The following MMS22L variants were observed in gnomAD, a reference collection of about 807,000 sequenced individuals.
MMS22L encodes MMS22 like, DNA repair protein.
A neutral mutation model predicts 159.1 loss-of-function variants in MMS22L; 74 were observed. The observed-to-expected ratio is 0.47, with a 90% CI of 0.39 to 0.56. The LOEUF is 0.56. Among genes scored for constraint, MMS22L ranks in the 20% least tolerant of loss-of-function variants. The pLI is 0.00. For synonymous variants in MMS22L, 517 were observed against 506.9 expected (o/e 1.02, Z -0.27); for missense variants, 1,351 against 1,422.1 (o/e 0.95, Z 0.80).
intron 10 of MMS22L, among the ~76,000 whole-genome samples, chr6:97,249,992 T>A (rs998926193): frequency 2.6e-5 from 4 of 152,168 alleles, no homozygotes; most frequent in Non-Finnish European, 5.9e-5. Context: ...AAATCAGTTT[T>A]GTGGCTATAA....
Position 97,174,715 on chromosome 6 carries a change from G to A in MMS22L, c.2680-1493C>T, listed in dbSNP as rs141526748. ...ATTCCACTGCTCCGGGTTTAGTCAC[G>A]GAAGTGGGTGGATGAAGTAGGGGAG... On this transcript the variant is annotated intron_variant, in intron 18 of 24. Coordinates refer to ENST00000683635, the MANE Select transcript of MMS22L (RefSeq NM_001350599.2). Among the ~76,000 whole-genome samples the A allele has an allele frequency of 1.9e-4, 29 of 152,286 alleles. No individual in the cohort carries two copies. In the East Asian group the frequency reaches 4.1e-3, roughly 21 times the overall value.
At position 97,194,003 on chromosome 6, in the gene MMS22L, T is replaced by C. The variant is rs189239081; in HGVS notation, c.2040-7313A>G. ...GTCTCGATCTCCTGACCTCGTGATC[T>C]GCCCACCTTGGCCTCCCAAAGTGCT... On this transcript the variant is annotated intron_variant, in intron 14 of 24. Transcript: ENST00000683635. 9.3e-3 allele frequency among the ~76,000 whole-genome samples: 1,414 copies of C among 152,136 alleles called. 21 individuals are homozygous for C. Among genetic ancestry groups the C allele is most frequent in the African/African-American group, 0.033 (1,356 of 41,534 alleles).
chr6:97,164,571 T>C (rs556831913), intron 21 of MMS22L, among the ~76,000 whole-genome samples: 169 of 152,124 alleles, frequency 1.1e-3, no homozygotes, highest in African/African-American at 4.0e-3. Flanking sequence ...TCATTTCCAA[T>C]ATTAGCATTC....
At chr6:97,150,049 T>A in intron 23 of MMS22L, 29 bp from the exon 24 acceptor site, 1 of 1,598,622 alleles carries the variant, frequency 6.3e-7, no homozygotes, top group Non-Finnish European at 8.6e-7. Context: ...TATTTAGGAT[T>A]ACTCCTGGGG....
intron 21 of MMS22L, 44 bp downstream of exon 21, chr6:97,165,202 T>A (rs1802836520): frequency 6.5e-7 from 1 of 1,549,426 alleles, no homozygotes; most frequent in East Asian, 2.2e-5. Flanking sequence ...TTAATAGAGC[T>A]TAATAATTTG....
intron 14 of MMS22L, among the ~76,000 whole-genome samples, chr6:97,216,210 G>A (rs1488915788): frequency 2.0e-5 from 3 of 152,052 alleles, no homozygotes; most frequent in Non-Finnish European, 4.4e-5. Context: ...AATAGCTTTA[G>A]GGTAACAGTA....
chr6:97,189,225 C>T (rs560757090), intron 14 of MMS22L, among the ~76,000 whole-genome samples: 36 of 147,826 alleles, frequency 2.4e-4, no homozygotes, highest in South Asian at 4.3e-4. Context: ...TATGAGCTAA[C>T]GTGGGGATAG....
At chr6:97,225,997 A>G (rs988883117) in intron 14 of MMS22L, among the ~76,000 whole-genome samples, 3 of 152,200 alleles carry the variant, frequency 2.0e-5, no homozygotes, top group Non-Finnish European at 4.4e-5. Context: ...TTGGTATGAA[A>G]TTTGGTAACA....
intron 14 of MMS22L, among the ~76,000 whole-genome samples, chr6:97,189,108 A>T (rs1237549675): frequency 6.6e-6 from 1 of 151,990 alleles, no homozygotes; most frequent in Non-Finnish European, 1.5e-5. Context: ...GACTATAAGA[A>T]GAGATGCTAG....
At chr6:97,235,159 C>G (rs967192001) in intron 11 of MMS22L, among the ~76,000 whole-genome samples, 3 of 152,122 alleles carry the variant, frequency 2.0e-5, no homozygotes, top group Non-Finnish European at 4.4e-5. Flanking sequence ...CTGTGCGAAA[C>G]TATAAGACTG....
intron 14 of MMS22L, among the ~76,000 whole-genome samples, chr6:97,211,697 CTAA>C (rs1477327269): frequency 6.6e-6 from 1 of 152,026 alleles, no homozygotes; most frequent in Non-Finnish European, 1.5e-5. Flanking sequence ...TCTCTGACAC[CTAA>C]TGTCAGAAGT....
rs1800881761 is a variant in MMS22L, at chr6:97,145,265, GAGA to G, written c.*1538_*1540del. On this transcript the variant is annotated 3_prime_UTR_variant, in exon 25 of 25. Coordinates refer to ENST00000683635, the MANE Select transcript of MMS22L (RefSeq NM_001350599.2). ...ATTCCCTTTGATGAAGCTGATTTGAGAGAAGGACCATTTATATGTTATGAAAAT... is the reference window on the plus strand; with the variant it reads ...ATTCCCTTTGATGAAGCTGATTTGAGAGGACCATTTATATGTTATGAAAAT... The G allele has an allele frequency of 1.3e-5, 2 of 152,118 alleles. No individual in the cohort carries two copies. The highest frequency in any genetic ancestry group is 2.9e-5 in the Non-Finnish European group (2 of 68,016). The allele number at this position is 152,118 out of a possible 1,614,324, so 9.4% of individuals were successfully genotyped here.
At chr6:97,171,227 G>T (rs1237645521) in intron 19 of MMS22L, among the ~76,000 whole-genome samples, 1 of 152,210 alleles carries the variant, frequency 6.6e-6, no homozygotes, top group East Asian at 1.9e-4. Flanking sequence ...AAAAATTCAA[G>T]AGATGGCTAC....
intron 12 of MMS22L, among the ~76,000 whole-genome samples, chr6:97,232,420 T>G (rs1266828521): frequency 1.3e-5 from 2 of 152,194 alleles, no homozygotes; most frequent in African/African-American, 4.8e-5. Context: ...ATAGTTTGTA[T>G]TTTCTTTACA....
intron 4 of MMS22L, among the ~76,000 whole-genome samples, chr6:97,278,333 G>T (rs995437892): frequency 4.0e-5 from 6 of 151,196 alleles, no homozygotes; most frequent in African/African-American, 1.5e-4. Flanking sequence ...AACCCGGGGG[G>T]CAGAGGTTAC....
chr6:97,213,196 C>T (rs767158733), intron 14 of MMS22L, among the ~76,000 whole-genome samples: 20 of 152,018 alleles, frequency 1.3e-4, no homozygotes, highest in Admixed American at 1.1e-3. Flanking sequence ...CATCTGAGGT[C>T]GGGAGTTCAA....
At chr6:97,175,160 TGTAA>T (rs1803992683) in intron 18 of MMS22L, among the ~76,000 whole-genome samples, 1 of 152,214 alleles carries the variant, frequency 6.6e-6, no homozygotes, top group African/African-American at 2.4e-5. Flanking sequence ...GAACATTACA[TGTAA>T]GTAACATATT....
intron 11 of MMS22L, among the ~76,000 whole-genome samples, chr6:97,245,624 C>T (rs937699526): frequency 1.3e-5 from 2 of 151,982 alleles, no homozygotes; most frequent in African/African-American, 4.8e-5. Context: ...AAAACTTTTA[C>T]AGGGATTATG....
At position 97,149,811 on chromosome 6, in the gene MMS22L, T is replaced by C. The variant is rs1456775950; in HGVS notation, c.3650+42A>G. ...TCTATAAAATGAAATATAAATTTTATAATCACTGCCCCCCCCAATGTAATT... is the reference window on the plus strand; with the variant it reads ...TCTATAAAATGAAATATAAATTTTACAATCACTGCCCCCCCCAATGTAATT... On this transcript the variant is annotated intron_variant, in intron 24 of 24. Transcript: ENST00000683635. 6 of 1,493,856 alleles carry C rather than the reference T, an allele frequency of 4.0e-6. No individual in the cohort carries two copies. In the South Asian group the frequency reaches 6.9e-5, roughly 17 times the overall value. The allele number at this position is 1,493,856 out of a possible 1,614,324, so 92.5% of individuals were successfully genotyped here. A position where few individuals can be genotyped will look rare whatever the true frequency, so the allele number is the denominator to read the frequency against.
Sources: gnomAD v4.1 joint callset for allele counts (sites outside exome capture counted in the v4.1 genomes callset) on GRCh38, gnomAD v4.1.1 for gene constraint, MANE v1.5 for transcripts, NCBI Gene and HGNC (gene_info 2026-07-23, HGNC 2026-07-21) for gene names.